Variants in SDCCAG8 observed in about 807,000 individuals in gnomAD.
The protein encoded by SDCCAG8 is serologically defined colon cancer antigen 8.
Under a neutral mutation model 101.8 loss-of-function variants are expected in SDCCAG8, and 74 were observed. The observed-to-expected ratio is 0.73, with a 90% CI of 0.60 to 0.88. The LOEUF is 0.88. Among genes scored for constraint, SDCCAG8 ranks in the 40% least tolerant of loss-of-function variants. The pLI is 0.00. For synonymous variants in SDCCAG8, 281 were observed against 292.9 expected, an observed-to-expected ratio of 0.96 and a Z score of 0.41; for missense variants, 787 against 822.6, an observed-to-expected ratio of 0.96 and a Z score of 0.53.
intron 16 of SDCCAG8, among the ~76,000 whole-genome samples, chr1:243,461,526 A>C (rs1314873207): frequency 6.6e-6 from 1 of 152,192 alleles, no homozygotes; most frequent in Non-Finnish European, 1.5e-5. Flanking sequence ...AGAGTCTTTA[A>C]GAGGCTTCAG....
At chr1:243,388,677 A>G (rs2078475664) in intron 13 of SDCCAG8, among the ~76,000 whole-genome samples, 1 of 149,526 alleles carries the variant, frequency 6.7e-6, no homozygotes, top group Non-Finnish European at 1.5e-5. Flanking sequence ...TCTGAGCAAC[A>G]TAATGAGACC....
intron 16 of SDCCAG8, among the ~76,000 whole-genome samples, chr1:243,471,434 T>C (rs1424717810): frequency 6.6e-6 from 1 of 152,246 alleles, no homozygotes; most frequent in African/African-American, 2.4e-5. Context: ...TCGTGGGTTC[T>C]GTCTGCCTCT....
At chr1:243,383,277 T>C (rs1039252646) in intron 13 of SDCCAG8, among the ~76,000 whole-genome samples, 7 of 152,182 alleles carry the variant, frequency 4.6e-5, no homozygotes, top group African/African-American at 1.7e-4. Flanking sequence ...AGCCTAGGAT[T>C]GAAGAAACCT....
rs1574023745 is a variant in SDCCAG8, at chr1:243,434,570, C to A, written c.1985+8012C>A. On this transcript the variant is annotated intron_variant, in intron 16 of 17. Coordinates refer to ENST00000366541, the MANE Select transcript of SDCCAG8 (RefSeq NM_006642.5). Reference sequence around the variant, plus strand: ...GTTTGGATTAGGGAGGCTGTCTCATCTAAGGGGTCTAACAACAGACAATCG... The same window carrying A: ...GTTTGGATTAGGGAGGCTGTCTCATATAAGGGGTCTAACAACAGACAATCG... Among the ~76,000 whole-genome samples, 3 of 152,316 alleles carry A rather than the reference C, an allele frequency of 2.0e-5. No homozygotes were observed. The Middle Eastern group carries it at 0.01, about 518-fold the overall frequency.
chr1:243,388,709 A>T (rs544955048), intron 13 of SDCCAG8, among the ~76,000 whole-genome samples: 7 of 151,948 alleles, frequency 4.6e-5, no homozygotes, highest in African/African-American at 1.7e-4. Flanking sequence ...AAAAAAAAAA[A>T]AAAAAAATTA....
At chr1:243,493,584 G>A (rs1667093327) in intron 17 of SDCCAG8, among the ~76,000 whole-genome samples, 2 of 152,140 alleles carry the variant, frequency 1.3e-5, no homozygotes, top group East Asian at 1.9e-4. Flanking sequence ...AATCTGGGGA[G>A]TGATTCCCTT....
chr1:243,385,268 T>A (rs1348354678), intron 13 of SDCCAG8, among the ~76,000 whole-genome samples: 1 of 151,834 alleles, frequency 6.6e-6, no homozygotes, highest in Non-Finnish European at 1.5e-5. Context: ...TGCGCGCCTA[T>A]AGTCCCAGCT....
intron 17 of SDCCAG8, among the ~76,000 whole-genome samples, chr1:243,497,432 GC>G (rs1309823997): frequency 6.6e-6 from 1 of 151,348 alleles, no homozygotes; most frequent in Non-Finnish European, 1.5e-5. Context: ...GAAATACAAA[GC>G]CCATAGAGAT....
chr1:243,476,420 C>T, intron 16 of SDCCAG8: 1 of 927,298 alleles, frequency 1.1e-6, no homozygotes, highest in Non-Finnish European at 1.3e-6. Flanking sequence ...AATCTTATGC[C>T]ATCACACCTC....
chr1:243,349,453 T>C (rs2075957839), intron 12 of SDCCAG8, among the ~76,000 whole-genome samples: 1 of 152,240 alleles, frequency 6.6e-6, no homozygotes, highest in Admixed American at 6.5e-5. Flanking sequence ...AAATATTTAC[T>C]GTCTGACCCT....
At chr1:243,433,160 G>GC (rs2081908151) in intron 16 of SDCCAG8, among the ~76,000 whole-genome samples, 1 of 152,056 alleles carries the variant, frequency 6.6e-6, no homozygotes, top group African/African-American at 2.4e-5. Context: ...GTAACCTGAT[G>GC]CCAGACTTAG....
At chr1:243,298,767 C>T (rs1456672161) in intron 6 of SDCCAG8, among the ~76,000 whole-genome samples, 4 of 152,142 alleles carry the variant, frequency 2.6e-5, no homozygotes, top group Admixed American at 2.0e-4. Context: ...GTACCTTTCT[C>T]CTAAATAAGT....
chr1:243,394,880 G>A (rs1558407042), intron 13 of SDCCAG8, among the ~76,000 whole-genome samples: 1 of 150,922 alleles, frequency 6.6e-6, no homozygotes, highest in Non-Finnish European at 1.5e-5. Context: ...TAAAATTTGT[G>A]TTTCAGGTGT....
intron 10 of SDCCAG8, among the ~76,000 whole-genome samples, chr1:243,338,539 C>T (rs1442748775): frequency 6.6e-6 from 1 of 151,530 alleles, no homozygotes; most frequent in African/African-American, 2.4e-5. Context: ...TGTGTGTTAT[C>T]TTCAATAATG....
intron 4 of SDCCAG8, among the ~76,000 whole-genome samples, chr1:243,282,027 A>G (rs535258985): frequency 5.7e-4 from 86 of 152,206 alleles, no homozygotes; most frequent in African/African-American, 2.0e-3. Context: ...TCAGTCGCCC[A>G]GGCTGTAGTG....
At chr1:243,321,441 C>A (rs961539718) in intron 9 of SDCCAG8, among the ~76,000 whole-genome samples, 2 of 151,608 alleles carry the variant, frequency 1.3e-5, no homozygotes, top group Non-Finnish European at 2.9e-5. Context: ...TCCATGTGTA[C>A]ACAATGTTTA....
At chr1:243,342,023 T>C (rs2075407306) in intron 11 of SDCCAG8, among the ~76,000 whole-genome samples, 1 of 152,188 alleles carries the variant, frequency 6.6e-6, no homozygotes, top group African/African-American at 2.4e-5. Context: ...AATTTTAACA[T>C]GTATTAGGAA....
At chr1:243,372,681 G>A (rs1275498439) in intron 12 of SDCCAG8, among the ~76,000 whole-genome samples, 1 of 151,688 alleles carries the variant, frequency 6.6e-6, no homozygotes, top group Non-Finnish European at 1.5e-5. Flanking sequence ...ATAGATTGAA[G>A]CAAGAAATGT....
intron 1 of SDCCAG8, among the ~76,000 whole-genome samples, chr1:243,259,157 T>C (rs1239106521): frequency 6.6e-6 from 1 of 151,944 alleles, no homozygotes; most frequent in African/African-American, 2.4e-5. Context: ...TCCCAGCACT[T>C]TGGGAGGCTG....
Sources: allele counts gnomAD v4.1 joint callset (sites outside exome capture counted in the v4.1 genomes callset), GRCh38; gene constraint gnomAD v4.1.1; transcripts MANE v1.5; gene names NCBI Gene and HGNC (gene_info 2026-07-23, HGNC 2026-07-21).